TTC28: variants seen among roughly 807,000 people sequenced by gnomAD.
TTC28 encodes tetratricopeptide repeat protein 28.
A neutral mutation model predicts 198.0 loss-of-function variants in TTC28; 61 were observed. The ratio of observed to expected loss-of-function variants is 0.31; its 90% CI spans 0.25 to 0.38. TTC28 has a LOEUF of 0.38. Among genes scored for constraint, TTC28 ranks in the 10% least tolerant of loss-of-function variants. The pLI is 1.00. For missense variants in TTC28, 2,678 were observed against 3,164.0 expected, an observed-to-expected ratio of 0.85 and a Z score of 3.69; for synonymous variants, 1,171 against 1,297.8, an observed-to-expected ratio of 0.90 and a Z score of 2.10.
intron 5 of TTC28, among the ~76,000 whole-genome samples, chr22:28,284,311 A>G (rs1250858458): frequency 6.6e-6 from 1 of 152,150 alleles, no homozygotes; most frequent in Non-Finnish European, 1.5e-5. Flanking sequence ...ATTACAAACA[A>G]ATATATGGGA....
At chr22:28,232,805 T>G (rs1928916286) in intron 5 of TTC28, 1 of 152,046 alleles carries the variant, frequency 6.6e-6, no homozygotes, top group African/African-American at 2.4e-5. Context: ...AATTTTAAAT[T>G]TTTTCCATTT....
intron 12 of TTC28, among the ~76,000 whole-genome samples, chr22:28,059,759 G>A (rs907323121): frequency 6.6e-6 from 1 of 151,798 alleles, no homozygotes; most frequent in Non-Finnish European, 1.5e-5. Context: ...GGCTTTTAAT[G>A]TCTTCTTGGT....
intron 2 of TTC28, among the ~76,000 whole-genome samples, chr22:28,517,949 AT>A (rs570800959): frequency 6.6e-6 from 1 of 150,706 alleles, no homozygotes. Flanking sequence ...TATTTATTGT[AT>A]TTTTTTTTAC....
At chr22:28,225,272 T>C (rs1928209223) in intron 5 of TTC28, among the ~76,000 whole-genome samples, 1 of 151,726 alleles carries the variant, frequency 6.6e-6, no homozygotes, top group Non-Finnish European at 1.5e-5. Context: ...GAAGAATTGC[T>C]TGAACCCGAA....
intron 2 of TTC28, among the ~76,000 whole-genome samples, chr22:28,511,826 G>GAA (rs1309823521): frequency 2.6e-5 from 3 of 113,814 alleles, no homozygotes; most frequent in Admixed American, 8.8e-5. Context: ...TCAGAAAAAA[G>GAA]AAAAAAAAAA....
chr22:28,505,205 C>T (rs367804400), intron 2 of TTC28, among the ~76,000 whole-genome samples: 16 of 138,800 alleles, frequency 1.2e-4, no homozygotes, highest in East Asian at 4.2e-4. Flanking sequence ...TGCAGTGAGC[C>T]GAGATCGTGC....
At chr22:28,653,097 T>TA (rs1222630653) in intron 1 of TTC28, among the ~76,000 whole-genome samples, 1 of 152,210 alleles carries the variant, frequency 6.6e-6, no homozygotes. Flanking sequence ...ATTCCACAGA[T>TA]AGAGGAAGAT....
chr22:28,525,579 T>G (rs148059147), intron 2 of TTC28, among the ~76,000 whole-genome samples: 1 of 152,334 alleles, frequency 6.6e-6, no homozygotes, highest in Non-Finnish European at 1.5e-5. Flanking sequence ...TTTTTAAACT[T>G]AAGAGAACTT....
intron 5 of TTC28, among the ~76,000 whole-genome samples, chr22:28,169,523 A>T (rs1922422911): frequency 1.3e-5 from 2 of 152,142 alleles, no homozygotes; most frequent in Non-Finnish European, 2.9e-5. Flanking sequence ...CTTTGTAGGG[A>T]CATGGATGAA....
At chr22:28,429,359 T>A (rs1380758354) in intron 2 of TTC28, among the ~76,000 whole-genome samples, 2 of 152,164 alleles carry the variant, frequency 1.3e-5, no homozygotes, top group Admixed American at 6.5e-5. Flanking sequence ...CACAGAAAAG[T>A]GTCTTCACAA....
At chr22:28,546,492 T>A (rs1218277505) in intron 2 of TTC28, among the ~76,000 whole-genome samples, 2 of 152,138 alleles carry the variant, frequency 1.3e-5, no homozygotes, top group East Asian at 3.9e-4. Flanking sequence ...CACCATGTGT[T>A]GGAGAAGATA....
chr22:28,414,103 T>G (rs2047130834), intron 2 of TTC28, among the ~76,000 whole-genome samples: 1 of 152,264 alleles, frequency 6.6e-6, no homozygotes, highest in South Asian at 2.1e-4. Context: ...TCATCTAATT[T>G]TGTGTGTTGT....
chr22:28,304,153 C>T (rs2045085607), intron 3 of TTC28, among the ~76,000 whole-genome samples: 1 of 151,916 alleles, frequency 6.6e-6, no homozygotes. Context: ...GACGTGGTGG[C>T]GGGCGCCTGT....
chr22:27,999,240 C>T lies in TTC28; in HGVS notation c.4419G>A (p.Pro1473=). ...TGGATGTGGAGCTGGAGTATGTGGG[C>T]GGGTTCTTCCGTAAGTGAGACTAGG... ...VQSKSHLRKN[P]PTYSSSTSMA... Residue 1473 remains proline (P), a synonymous_variant, in exon 16 of 23, where the codon CCG becomes CCA. Transcript: ENST00000397906. 17 of 1,549,698 alleles carry T rather than the reference C, an allele frequency of 1.1e-5. No individual in the cohort carries two copies. Among genetic ancestry groups the T allele is most frequent in the Non-Finnish European group, 1.3e-5 (15 of 1,146,266 alleles).
At chr22:28,564,174 T>C (rs567039390) in intron 2 of TTC28, among the ~76,000 whole-genome samples, 1 of 152,280 alleles carries the variant, frequency 6.6e-6, no homozygotes, top group South Asian at 2.1e-4. Flanking sequence ...GGACTTCCTT[T>C]TGGGGCGATG....
rs201455670 is a variant in TTC28, at chr22:28,667,232, A to C, written c.102+12390T>G. Among the ~76,000 whole-genome samples, 167 of 36,030 alleles carry C rather than the reference A, an allele frequency of 4.6e-3. No individual in the cohort carries two copies. In the East Asian group the frequency reaches 0.058, roughly 12 times the overall value. 23.6% of individuals were successfully genotyped at this position (36,030 alleles called of 152,430 possible). ...AAAACTGGAAGCATTCCCTTTGAAA[A>C]CTGGCACAAGACAGGGATGCCCTAT... is the stretch of plus-strand genomic sequence containing the variant. On this transcript the variant is annotated intron_variant, in intron 1 of 22. Coordinates refer to ENST00000397906, the MANE Select transcript of TTC28 (RefSeq NM_001145418.2).
intron 2 of TTC28, among the ~76,000 whole-genome samples, chr22:28,484,366 C>T (rs911249980): frequency 4.6e-5 from 7 of 152,108 alleles, no homozygotes; most frequent in Admixed American, 4.6e-4. Flanking sequence ...CCCACCCTGG[C>T]CTCCCAAAGC....
At position 28,537,340 on chromosome 22, in the gene TTC28, A is replaced by AACTAAACT. The variant is rs1601534517; in HGVS notation, c.381+92211_381+92212insAGTTTAGT. ...AAATAAAATAAAATAAAATAAAATA[A>AACTAAACT]AAACAAGAATAGGCAAATCAATGAA... is the stretch of plus-strand genomic sequence containing the variant. On this transcript the variant is annotated intron_variant, in intron 2 of 22. Coordinates refer to ENST00000397906, the MANE Select transcript of TTC28 (RefSeq NM_001145418.2). Among the ~76,000 whole-genome samples the AACTAAACT allele has an allele frequency of 2.7e-5, 4 of 149,258 alleles. 1 individual carries two copies. In the East Asian group the frequency reaches 7.8e-4, roughly 29 times the overall value.
chr22:28,333,385 T>C (rs2045647696), intron 2 of TTC28, among the ~76,000 whole-genome samples: 1 of 152,110 alleles, frequency 6.6e-6, no homozygotes, highest in Non-Finnish European at 1.5e-5. Context: ...CAGATATCAG[T>C]ACACTTGAAA....
Sources: allele counts gnomAD v4.1 joint callset (sites outside exome capture counted in the v4.1 genomes callset), GRCh38; gene constraint gnomAD v4.1.1; transcripts MANE v1.5; gene names NCBI Gene and HGNC (gene_info 2026-07-23, HGNC 2026-07-21).